ST18: variants seen among roughly 807,000 people sequenced by gnomAD.
The protein encoded by ST18 is suppression of tumorigenicity 18 protein.
In ST18, 50 loss-of-function variants were observed where a neutral mutation model predicts 110.0. The observed-to-expected ratio is 0.45, with a 90% confidence interval of 0.36 to 0.58. The LOEUF (loss-of-function observed/expected upper bound fraction) is 0.58, where lower values mean the gene tolerates loss of function less well. Among genes scored for constraint, ST18 ranks in the 20% least tolerant of loss-of-function variants. The probability of loss-of-function intolerance (pLI) is 0.00; values close to 1 mark genes in which losing one functional copy is unlikely to be tolerated. For synonymous variants in ST18, 461 were observed against 452.4 expected (o/e 1.02, Z -0.24); for missense variants, 1,306 against 1,280.1 (o/e 1.02, Z -0.31).
chr8:52,118,591 A>G (rs2043417003), intron 23 of ST18, 150 bp from the exon 24 acceptor site: 2 of 517,038 alleles, frequency 3.9e-6, no homozygotes, highest in Admixed American at 3.9e-5. Flanking sequence ...GAAAAAGTGG[A>G]TAAGAGAAGT....
intron 25 of ST18, among the ~76,000 whole-genome samples, chr8:52,113,954 G>GTTTTTTTTTTTTTTTTTTTTTTTT (rs1158213340): frequency 4.4e-5 from 2 of 45,442 alleles, no homozygotes; most frequent in Non-Finnish European, 7.5e-5. Flanking sequence ...TTCATACCGT[G>GTTTTTTTTTTTTTTTTTTTTTTTT]TTTTTTTTTT....
At chr8:52,341,975 C>T (rs1450036110) in intron 2 of ST18, among the ~76,000 whole-genome samples, 1 of 152,116 alleles carries the variant, frequency 6.6e-6, no homozygotes, top group African/African-American at 2.4e-5. Context: ...GGTCAAAGGA[C>T]ACAAAATTTC....
At chr8:52,171,741 C>A (rs2065039632) in intron 10 of ST18, 51 bp downstream of exon 10, 1 of 1,570,470 alleles carries the variant, frequency 6.4e-7, no homozygotes. Context: ...ACTTTTTTTT[C>A]AAACCCTAAT....
intron 2 of ST18, among the ~76,000 whole-genome samples, chr8:52,238,616 A>G (rs1163001577): frequency 6.6e-6 from 1 of 152,160 alleles, no homozygotes; most frequent in East Asian, 1.9e-4. Flanking sequence ...TTACTGGATG[A>G]AGAAAATGTG....
At chr8:52,393,368 A>G (rs1839949517) in intron 2 of ST18, among the ~76,000 whole-genome samples, 1 of 152,206 alleles carries the variant, frequency 6.6e-6, no homozygotes. Context: ...ACGCATGTGC[A>G]GCCAGCATCA....
chr8:52,320,676 A>G (rs967940957), intron 2 of ST18, among the ~76,000 whole-genome samples: 3 of 152,232 alleles, frequency 2.0e-5, no homozygotes, highest in African/African-American at 7.2e-5. Context: ...ATCGGCAAAC[A>G]TTAAAAAGTA....
intron 2 of ST18, among the ~76,000 whole-genome samples, chr8:52,281,257 C>T (rs117815690): frequency 3.2e-3 from 480 of 151,840 alleles, no homozygotes; most frequent in Non-Finnish European, 5.4e-3. Context: ...AGTTAAACAG[C>T]CAGTTTAAGA....
At chr8:52,185,696 A>G (rs767050741) in intron 8 of ST18, among the ~76,000 whole-genome samples, 2 of 152,196 alleles carry the variant, frequency 1.3e-5, no homozygotes, top group Non-Finnish European at 2.9e-5. Context: ...TTCAGTGAAC[A>G]GTGCTCGATT....
intron 9 of ST18, among the ~76,000 whole-genome samples, chr8:52,177,119 G>A (rs1034833061): frequency 2.0e-5 from 3 of 152,108 alleles, no homozygotes; most frequent in Admixed American, 6.5e-5. Flanking sequence ...TCTTCCTTCC[G>A]GAGACTTTCA....
At position 52,312,246 on chromosome 8, in the gene ST18, C is replaced by A. The variant is rs2095931105; in HGVS notation, c.-464-82169G>T. ...AAATGATTGATCTACTTCTCAAGGTCAGGGTCCAGATGTGGAGAGGGGGCA... is the reference window on the plus strand; with the variant it reads ...AAATGATTGATCTACTTCTCAAGGTAAGGGTCCAGATGTGGAGAGGGGGCA... On this transcript the variant is annotated intron_variant, in intron 2 of 25. Transcript: ENST00000689386. 2.6e-5 allele frequency among the ~76,000 whole-genome samples: 4 copies of A among 152,170 alleles called. No homozygotes were observed. In the South Asian group the frequency reaches 6.2e-4, roughly 24 times the overall value.
intron 2 of ST18, among the ~76,000 whole-genome samples, chr8:52,277,561 C>T (rs766324195): frequency 5.3e-5 from 8 of 152,252 alleles, no homozygotes; most frequent in Non-Finnish European, 7.3e-5. Context: ...TGGTTTTGAT[C>T]ATCTATGTTT....
chr8:52,132,276 A>G (rs752014697), intron 21 of ST18, 97 bp from the exon 22 acceptor site: 3 of 1,079,834 alleles, frequency 2.8e-6, no homozygotes, highest in Non-Finnish European at 3.9e-6. Flanking sequence ...GTTTTAATAA[A>G]AGATGCCACC....
chr8:52,202,581 T>A (rs1187808948), intron 8 of ST18, among the ~76,000 whole-genome samples: 1 of 152,094 alleles, frequency 6.6e-6, no homozygotes, highest in East Asian at 1.9e-4. Context: ...AACAGACAAG[T>A]AAAGAAGTGC....
intron 2 of ST18, among the ~76,000 whole-genome samples, chr8:52,246,173 A>C (rs1367299432): frequency 1.3e-5 from 2 of 152,128 alleles, no homozygotes; most frequent in East Asian, 3.8e-4. Context: ...TCAGCAATTA[A>C]CTGGGTTCAA....
intron 15 of ST18, among the ~76,000 whole-genome samples, chr8:52,155,803 G>C (rs1306247922): frequency 6.6e-6 from 1 of 152,108 alleles, no homozygotes; most frequent in Non-Finnish European, 1.5e-5. Flanking sequence ...ATTAAGCTTG[G>C]AGTCTGTTGT....
intron 2 of ST18, among the ~76,000 whole-genome samples, chr8:52,273,431 C>G (rs570958924): frequency 1.3e-5 from 2 of 152,114 alleles, no homozygotes; most frequent in Non-Finnish European, 2.9e-5. Context: ...CTGAGAGCCC[C>G]CAGACCCCCA....
rs573198413 is a variant in ST18, at chr8:52,285,184, T to C, written c.-464-55107A>G. Reference sequence around the variant, plus strand: ...CAAGATTCTCAGGATTTGGTACCCATTACATGAGAAAAATAAACATGTATC... The same window carrying C: ...CAAGATTCTCAGGATTTGGTACCCACTACATGAGAAAAATAAACATGTATC... On this transcript the variant is annotated intron_variant, in intron 2 of 25. Transcript: ENST00000689386. Among the ~76,000 whole-genome samples, 9 of 152,300 alleles carry C rather than the reference T, an allele frequency of 5.9e-5. No individual in the cohort carries two copies. The East Asian group carries it at 1.7e-3, about 29-fold the overall frequency.
chr8:52,241,374 T>C (rs1564269222), intron 2 of ST18, among the ~76,000 whole-genome samples: 2 of 152,226 alleles, frequency 1.3e-5, no homozygotes, highest in African/African-American at 4.8e-5. Flanking sequence ...CTTTATTTTT[T>C]AGAGGAAAAA....
At chr8:52,221,460 G>A (rs2086722305) in intron 4 of ST18, among the ~76,000 whole-genome samples, 180 bp downstream of exon 4, 1 of 152,148 alleles carries the variant, frequency 6.6e-6, no homozygotes, top group Non-Finnish European at 1.5e-5. Context: ...TGTGGTCCCA[G>A]GGATGAGCAC....
Sources: gnomAD v4.1 joint callset for allele counts (sites outside exome capture counted in the v4.1 genomes callset) on GRCh38, gnomAD v4.1.1 for gene constraint, MANE v1.5 for transcripts, NCBI Gene and HGNC (gene_info 2026-07-23, HGNC 2026-07-21) for gene names.